The following UXS1 variants were observed in gnomAD, a reference collection of about 807,000 sequenced individuals.
The protein encoded by UXS1 is UDP-glucuronate decarboxylase 1.
Under a neutral mutation model 62.6 loss-of-function variants are expected in UXS1, and 33 were observed. That is an observed-to-expected ratio of 0.53 (90% CI 0.40 to 0.70). The LOEUF is 0.70. Ranked by LOEUF, UXS1 falls within the 30% of genes least tolerant of loss-of-function variation. The pLI is 0.00. For missense variants in UXS1, 434 were observed against 556.3 expected (o/e 0.78, Z 2.21); for synonymous variants, 213 against 206.8 (o/e 1.03, Z -0.26).
chr2:106,154,416 A>C (rs1285476094), intron 5 of UXS1, among the ~76,000 whole-genome samples: 1 of 152,238 alleles, frequency 6.6e-6, no homozygotes, highest in Non-Finnish European at 1.5e-5. Context: ...ATATTTAGTT[A>C]AGATAAGGTT....
chr2:106,104,678 T>C (rs1677898008), intron 11 of UXS1, 116 bp downstream of exon 11: 4 of 1,281,578 alleles, frequency 3.1e-6, no homozygotes, highest in Non-Finnish European at 4.5e-6. Flanking sequence ...AATCAATATA[T>C]AGTGTTAGCG....
intron 6 of UXS1, among the ~76,000 whole-genome samples, chr2:106,139,471 C>T (rs182987049): frequency 3.3e-5 from 5 of 152,260 alleles, no homozygotes; most frequent in Non-Finnish European, 5.9e-5. Flanking sequence ...CAAATGAACT[C>T]CCTAAAGGGT....
rs1485716926 is a variant in UXS1 at position 106,101,130 on chromosome 2, G to A, written c.924-12C>T. On this transcript the variant is annotated splice_polypyrimidine_tract_variant and intron_variant, in intron 11 of 14. Coordinates refer to ENST00000283148, the MANE Select transcript of UXS1 (RefSeq NM_001253875.2). ...CATTCACTAGATCGCTGGAAAAAAA[G>A]GGGAGGCAGGTGAGGCTCTGCCTGC... 1 of 1,613,804 alleles carries A rather than the reference G, an allele frequency of 6.2e-7. No homozygotes were observed. The highest frequency in any genetic ancestry group is 8.5e-7 in the Non-Finnish European group (1 of 1,179,804).
intron 1 of UXS1, among the ~76,000 whole-genome samples, chr2:106,184,755 G>A (rs969598161): frequency 3.3e-5 from 5 of 152,160 alleles, no homozygotes; most frequent in African/African-American, 1.2e-4. Flanking sequence ...TCCAACATGT[G>A]AATTCCAGGG....
intron 6 of UXS1, among the ~76,000 whole-genome samples, chr2:106,131,145 G>T (rs975980734): frequency 1.3e-5 from 2 of 148,590 alleles, no homozygotes; most frequent in East Asian, 2.0e-4. Flanking sequence ...AAGGGGTGAC[G>T]GACGCACCTG....
chr2:106,160,383 G>A (rs1004872283), intron 4 of UXS1: 3 of 152,198 alleles, frequency 2.0e-5, no homozygotes, highest in Non-Finnish European at 4.4e-5. Context: ...CCTCCGAACT[G>A]TCTGTCGTGA....
chr2:106,106,182 T>C (rs1678049446), intron 10 of UXS1, among the ~76,000 whole-genome samples: 1 of 151,994 alleles, frequency 6.6e-6, no homozygotes, highest in African/African-American at 2.4e-5. Flanking sequence ...CTGACCAACA[T>C]GGAGAAACCC....
At chr2:106,188,532 C>G (rs1048014208) in intron 1 of UXS1, among the ~76,000 whole-genome samples, 1 of 152,214 alleles carries the variant, frequency 6.6e-6, no homozygotes, top group Non-Finnish European at 1.5e-5. Flanking sequence ...GAATCAGGGT[C>G]TCTGACAGAG....
intron 6 of UXS1, among the ~76,000 whole-genome samples, chr2:106,142,809 C>A (rs2104986974): frequency 6.6e-6 from 1 of 152,230 alleles, no homozygotes; most frequent in Middle Eastern, 3.4e-3. Flanking sequence ...TATGCTCTCC[C>A]AACATAAATG....
chr2:106,172,202 C>T (rs1683608610), intron 1 of UXS1, among the ~76,000 whole-genome samples: 1 of 152,212 alleles, frequency 6.6e-6, no homozygotes, highest in South Asian at 2.1e-4. Flanking sequence ...TTCCCAAAGG[C>T]CTGGCTGGGT....
intron 1 of UXS1, among the ~76,000 whole-genome samples, chr2:106,177,735 C>T (rs1683984214): frequency 1.3e-5 from 2 of 152,170 alleles, no homozygotes; most frequent in Non-Finnish European, 2.9e-5. Context: ...CTGGGGCCTT[C>T]ATCTTGGACT....
At chr2:106,111,522 C>T (rs1434025495) in intron 10 of UXS1, among the ~76,000 whole-genome samples, 1 of 152,176 alleles carries the variant, frequency 6.6e-6, no homozygotes, top group Non-Finnish European at 1.5e-5. Context: ...GACAAGGAGA[C>T]ACACACCACG....
At chr2:106,128,716 T>C (rs1680181743) in intron 7 of UXS1, among the ~76,000 whole-genome samples, 1 of 152,208 alleles carries the variant, frequency 6.6e-6, no homozygotes. Flanking sequence ...AACAAATCTC[T>C]TTCTCTAAAT....
At chr2:106,183,884 C>T (rs750980584) in intron 1 of UXS1, 18 of 152,130 alleles carry the variant, frequency 1.2e-4, no homozygotes, top group Non-Finnish European at 1.8e-4. Context: ...AGGGTGAGAC[C>T]GCTTTATTCA....
At chr2:106,104,360 A>G (rs1677870140) in intron 11 of UXS1, among the ~76,000 whole-genome samples, 1 of 152,250 alleles carries the variant, frequency 6.6e-6, no homozygotes, top group Admixed American at 6.5e-5. Context: ...TTTCAGCGTG[A>G]AATTCAACAT....
At chr2:106,192,320 C>T (rs1684981728) in intron 1 of UXS1, among the ~76,000 whole-genome samples, 1 of 152,290 alleles carries the variant, frequency 6.6e-6, no homozygotes, top group African/African-American at 2.4e-5. Context: ...TTTGGGAGGC[C>T]GAGGCAGGCG....
At position 106,123,018 on chromosome 2, in the gene UXS1, A is replaced by G. The variant is rs2104923783; in HGVS notation, c.711T>C (p.Asp237=). The part of the protein sequence containing the change: ...VNPIGPRACY[D]EGKRVAETMC... Reference sequence around the variant, plus strand: ...TGGTCTCTGCAACACGTTTGCCTTCATCGTAGCAGGCCCGAGGTCCTATTG... The same window carrying G: ...TGGTCTCTGCAACACGTTTGCCTTCGTCGTAGCAGGCCCGAGGTCCTATTG... Residue 237 remains aspartate (D), a synonymous_variant, in exon 9 of 15, where the codon GAT becomes GAC. Coordinates refer to ENST00000283148, the MANE Select transcript of UXS1 (RefSeq NM_001253875.2). The G allele has an allele frequency of 6.2e-7, 1 of 1,614,020 alleles. No individual in the cohort carries two copies. The highest frequency in any genetic ancestry group is 8.5e-7 in the Non-Finnish European group (1 of 1,179,888).
chr2:106,096,504 C>G (rs1028427693), intron 14 of UXS1, among the ~76,000 whole-genome samples: 1 of 152,170 alleles, frequency 6.6e-6, no homozygotes, highest in Admixed American at 6.5e-5. Context: ...GAGCCCAGAG[C>G]AGGGGCTTCC....
intron 10 of UXS1, among the ~76,000 whole-genome samples, chr2:106,111,407 A>G (rs781376260): frequency 2.0e-5 from 3 of 152,152 alleles, no homozygotes; most frequent in Non-Finnish European, 4.4e-5. Flanking sequence ...CCAGGAATGC[A>G]CTCAGCGAAA....
Sources: allele counts gnomAD v4.1 joint callset (sites outside exome capture counted in the v4.1 genomes callset), GRCh38; gene constraint gnomAD v4.1.1; transcripts MANE v1.5; gene names NCBI Gene and HGNC (gene_info 2026-07-23, HGNC 2026-07-21).